Variants in DNAJC13 observed in about 807,000 individuals in gnomAD.
The protein encoded by DNAJC13 is dnaJ homolog subfamily C member 13.
In DNAJC13, 75 loss-of-function variants were observed where a neutral mutation model predicts 290.5. The observed-to-expected ratio is 0.26, with a 90% CI of 0.21 to 0.31. DNAJC13 has a LOEUF of 0.31. DNAJC13 is among the 10% of genes least tolerant of loss of function. DNAJC13 has a pLI of 1.00. For missense variants in DNAJC13, 2,260 were observed against 2,674.5 expected, an observed-to-expected ratio of 0.85 and a Z score of 3.42; for synonymous variants, 862 against 892.0, an observed-to-expected ratio of 0.97 and a Z score of 0.60.
intron 2 of DNAJC13, among the ~76,000 whole-genome samples, chr3:132,438,050 CAAAA>C (rs35454328): frequency 6.4e-5 from 7 of 109,082 alleles, no homozygotes; most frequent in Admixed American, 5.7e-4. Flanking sequence ...GACCGTGTCT[CAAAA>C]AAAAAAAAAA....
chr3:132,498,232 A>T (rs1385320270), intron 36 of DNAJC13, among the ~76,000 whole-genome samples: 1 of 152,122 alleles, frequency 6.6e-6, no homozygotes, highest in Non-Finnish European at 1.5e-5. Flanking sequence ...TACTGGTAAA[A>T]CTTTAAGATA....
At chr3:132,420,163 A>G (rs76517997) in intron 1 of DNAJC13, among the ~76,000 whole-genome samples, 1 of 152,344 alleles carries the variant, frequency 6.6e-6, no homozygotes, top group African/African-American at 2.4e-5. Flanking sequence ...CTGAATGCAC[A>G]ATCTTGCAAA....
chr3:132,477,884 T>G lies in DNAJC13; in HGVS notation c.2541T>G (p.Ile847Met), dbSNP rs749119821. 15 of 1,612,708 alleles carry G rather than the reference T, an allele frequency of 9.3e-6. No homozygotes were observed. The highest frequency in any genetic ancestry group is 1.3e-5 in the Non-Finnish European group (15 of 1,179,326). ...ATGAGAATGAAGAAAGTGGATCAAT[T>G]AAGAGATCGTGAGCTACTCTGTATA... ...EEDENEESGS[I>M]KRSYEFFNEL... Residue 847 changes from isoleucine to methionine, a missense_variant, in exon 23 of 56, where the codon ATT becomes ATG. Ile to Met is a conservative substitution (Grantham distance 10). Transcript: ENST00000260818.
At chr3:132,491,145 C>A in intron 32 of DNAJC13, 94 bp downstream of exon 32, 1 of 1,089,100 alleles carries the variant, frequency 9.2e-7, no homozygotes, top group Non-Finnish European at 1.3e-6. Context: ...AATGTTTTCA[C>A]TAGGTTTATA....
intron 51 of DNAJC13, among the ~76,000 whole-genome samples, chr3:132,525,200 C>T (rs768622619): frequency 1.3e-5 from 2 of 152,030 alleles, no homozygotes; most frequent in Non-Finnish European, 2.9e-5. Context: ...ATTAGCCAGG[C>T]GTGGTGGTGC....
chr3:132,443,405 G>A (rs112126444), intron 2 of DNAJC13, among the ~76,000 whole-genome samples: 10,645 of 152,110 alleles, frequency 0.07, 492 homozygotes, highest in Middle Eastern at 0.1. Context: ...CTCCTGCCTC[G>A]GCCTCCCAAA....
chr3:132,530,510 A>G lies in DNAJC13; in HGVS notation c.6526-488A>G, dbSNP rs575619167. 6.6e-5 allele frequency among the ~76,000 whole-genome samples: 10 copies of G among 152,300 alleles called. No homozygotes were observed. The East Asian group carries it at 1.9e-3, about 29-fold the overall frequency. ...TACTTCTGATACTCTGATGCTTTCT[A>G]TATTGACCAATTTTGTTTTTTCAAC... On this transcript the variant is annotated intron_variant, in intron 54 of 55. Transcript: ENST00000260818.
In DNAJC13 at chr3:132,502,458, C is replaced by A; in HGVS notation, c.4706C>A (p.Thr1569Lys). Reference protein sequence around the residue: ...EESGIQKSEETNQQEVANSLA... With the variant: ...EESGIQKSEEKNQQEVANSLA... ...AGTGGCATTCAGAAAAGTGAAGAAA[C>A]AAACCAGCAGGTAACTTTAACATTG... The change falls in exon 40 of 56, where the codon ACA (threonine) becomes AAA (lysine). Residue 1569 changes from threonine (T) to lysine (K), a missense_variant. This residue lies in a region of DNAJC13 where 1,494 missense variants were observed against 1,693.7 expected (regional missense o/e 0.88). Transcript: ENST00000260818. 1 of 1,606,602 alleles carries A rather than the reference C, an allele frequency of 6.2e-7. No homozygotes were observed. The highest frequency in any genetic ancestry group is 8.5e-7 in the Non-Finnish European group (1 of 1,176,222).
rs71620527 is a variant in DNAJC13, at chr3:132,427,106, C to CGT, written c.-13-7419_-13-7418dup. 1.1e-3 allele frequency among the ~76,000 whole-genome samples: 134 copies of CGT among 123,532 alleles called. 1 individual carries two copies. The highest frequency in any genetic ancestry group is 2.4e-3 in the South Asian group (9 of 3,780). 81.0% of individuals were successfully genotyped at this position (123,532 alleles called of 152,430 possible). On this transcript the variant is annotated intron_variant, in intron 1 of 55. Transcript: ENST00000260818. ...GTGTGTGTGTGTGTGTGTGTGTGCACGTGTGTGTGTGTGTATATATATATA... is the reference window on the plus strand; with the variant it reads ...GTGTGTGTGTGTGTGTGTGTGTGCACGTGTGTGTGTGTGTGTATATATATATA...
intron 53 of DNAJC13, among the ~76,000 whole-genome samples, chr3:132,527,317 C>T (rs1297581311): frequency 6.6e-6 from 1 of 152,198 alleles, no homozygotes; most frequent in Non-Finnish European, 1.5e-5. Flanking sequence ...TAAGTGACAT[C>T]TGGTATCCTT....
At chr3:132,533,901 C>A (rs904659378) in intron 55 of DNAJC13, among the ~76,000 whole-genome samples, 5 of 152,074 alleles carry the variant, frequency 3.3e-5, no homozygotes, top group African/African-American at 1.2e-4. Context: ...TGGTCCTCAC[C>A]CCCATCCACA....
At chr3:132,434,770 G>T in intron 2 of DNAJC13, 152 bp downstream of exon 2, 1 of 514,992 alleles carries the variant, frequency 1.9e-6, no homozygotes, top group African/African-American at 1.9e-5. Context: ...AATGCTACAT[G>T]TATTTTTTTT....
At chr3:132,523,448 G>A (rs1015093299) in intron 50 of DNAJC13, 92 bp from the exon 51 acceptor site, 1 of 1,410,184 alleles carries the variant, frequency 7.1e-7, no homozygotes, top group Non-Finnish European at 9.7e-7. Flanking sequence ...TTTGTGGACT[G>A]GTTAACATTA....
chr3:132,520,240 C>T (rs1294062261), intron 48 of DNAJC13, among the ~76,000 whole-genome samples: 4 of 152,148 alleles, frequency 2.6e-5, no homozygotes, highest in African/African-American at 7.2e-5. Flanking sequence ...TAGCCATGGA[C>T]AGTAAATGAA....
chr3:132,531,314 A>G (rs1936408120), intron 55 of DNAJC13, among the ~76,000 whole-genome samples: 3 of 152,184 alleles, frequency 2.0e-5, no homozygotes, highest in Admixed American at 2.0e-4. Flanking sequence ...TAAAGCATGT[A>G]TTTTGTTCAG....
At chr3:132,443,543 G>A (rs1933142651) in intron 2 of DNAJC13, among the ~76,000 whole-genome samples, 1 of 152,300 alleles carries the variant, frequency 6.6e-6, no homozygotes, top group South Asian at 2.1e-4. Context: ...TGTTATCTAA[G>A]GGGGCTTTTT....
At chr3:132,437,861 C>T (rs1939421236) in intron 2 of DNAJC13, among the ~76,000 whole-genome samples, 1 of 151,896 alleles carries the variant, frequency 6.6e-6, no homozygotes, top group Non-Finnish European at 1.5e-5. Flanking sequence ...CCCGGCCTGA[C>T]CAGCATGATG....
rs1933640045 is a variant in DNAJC13, at chr3:132,457,292, A to G, written c.1373A>G (p.Lys458Arg). The G allele has an allele frequency of 1.2e-6, 2 of 1,612,828 alleles. No individual in the cohort carries two copies. The highest frequency in any genetic ancestry group is 1.7e-6 in the Non-Finnish European group (2 of 1,179,478). The change falls in exon 13 of 56, where the codon AAG (lysine) becomes AGG (arginine). Residue 458 changes from lysine to arginine, a missense_variant. Around this residue, in one of 3 missense-constraint regions of DNAJC13, gnomAD observed 762 missense variants for 964.1 expected, o/e 0.79. Coordinates refer to ENST00000260818, the MANE Select transcript of DNAJC13 (RefSeq NM_015268.4). ...AGGTTTCGCGAGCGTCTAGGGGTGA[A>G]GGTAGTAAAAGCACTCAAAAGAAGC... Reference protein sequence around the residue: ...LPKFRERLGVKVVKALKRSNN... With the variant: ...LPKFRERLGVRVVKALKRSNN...
At chr3:132,489,100 A>G in intron 31 of DNAJC13, 79 bp downstream of exon 31, 1 of 1,145,198 alleles carries the variant, frequency 8.7e-7, no homozygotes, top group South Asian at 1.3e-5. Flanking sequence ...GCTGTGTATT[A>G]TGTTTACTAG....
Sources: allele counts gnomAD v4.1 joint callset (sites outside exome capture counted in the v4.1 genomes callset), GRCh38; gene constraint gnomAD v4.1.1; regional missense constraint gnomAD v4.1.1; transcripts MANE v1.5; gene names NCBI Gene and HGNC (gene_info 2026-07-23, HGNC 2026-07-21).